HMCES: variants seen among roughly 807,000 people sequenced by gnomAD.
HMCES encodes 5-hydroxymethylcytosine binding, ES cell specific.
HMCES carries 27 observed loss-of-function variants against 35.1 expected under a neutral mutation model. The observed-to-expected ratio is 0.77, with a 90% confidence interval of 0.57 to 1.06. HMCES has a LOEUF of 1.06. Ranked by LOEUF, HMCES falls within the 50% of genes least tolerant of loss-of-function variation. The pLI is 0.00. For synonymous variants in HMCES, 130 were observed against 154.7 expected, an observed-to-expected ratio of 0.84 and a Z score of 1.18; for missense variants, 391 against 430.4, an observed-to-expected ratio of 0.91 and a Z score of 0.81.
At chr3:129,293,714 C>G (rs570545562) in intron 4 of HMCES, among the ~76,000 whole-genome samples, 2 of 151,762 alleles carry the variant, frequency 1.3e-5, no homozygotes, top group East Asian at 3.9e-4. Flanking sequence ...ATTACAGGTG[C>G]GTGCCACCAT....
rs1397844540 is a variant in HMCES at position 129,279,878 on chromosome 3, A to G, written c.146A>G (p.Asn49Ser). ...CPSYNKSPQS[N>S]SPVLLSRLHF... The stretch of plus-strand genomic sequence containing the variant: ...TCTTACAACAAGAGTCCTCAATCCA[A>G]CAGCCCAGTGCTTCTGTCTCGACTG... The change falls in exon 2 of 7, where the codon AAC (asparagine) becomes AGC (serine). Residue 49 changes from asparagine to serine, a missense_variant. Asn to Ser is a conservative substitution (Grantham distance 46). Transcript: ENST00000383463. The surrounding 1 kb of genome is among the most constrained non-coding windows in gnomAD (Gnocchi z 4.2). 6.2e-7 allele frequency: 1 copy of G among 1,609,170 alleles called. No individual in the cohort carries two copies. The highest frequency in any genetic ancestry group is 1.1e-5 in the South Asian group (1 of 90,272).
intron 2 of HMCES, among the ~76,000 whole-genome samples, chr3:129,284,382 T>G (rs1349352775): frequency 6.6e-6 from 1 of 152,234 alleles, no homozygotes; most frequent in Non-Finnish European, 1.5e-5. Flanking sequence ...GCTCTTGGTC[T>G]TGAATTTAGT....
chr3:129,304,872 C>T lies in HMCES; in HGVS notation c.*47C>T. ...GGCCAGGGTCTGCTGCACTGCTGTTCTGATAATAGGTTCTTAACATTGTAT... is the reference window on the plus strand; with the variant it reads ...GGCCAGGGTCTGCTGCACTGCTGTTTTGATAATAGGTTCTTAACATTGTAT... On this transcript the variant is annotated 3_prime_UTR_variant, in exon 7 of 7. Coordinates refer to ENST00000383463, the MANE Select transcript of HMCES (RefSeq NM_020187.3). 1 of 1,409,954 alleles carries T rather than the reference C, an allele frequency of 7.1e-7. No homozygotes were observed. The highest frequency in any genetic ancestry group is 2.3e-5 in the East Asian group (1 of 43,858). The allele number at this position is 1,409,954 out of a possible 1,614,324, so 87.3% of individuals were successfully genotyped here. A position where few individuals can be genotyped will look rare whatever the true frequency, so the allele number is the denominator to read the frequency against.
intron 4 of HMCES, among the ~76,000 whole-genome samples, chr3:129,291,820 G>C (rs762871093): frequency 6.6e-6 from 1 of 152,206 alleles, no homozygotes; most frequent in African/African-American, 2.4e-5. Flanking sequence ...GCCAGGCACG[G>C]TTGCTCATGC....
intron 2 of HMCES, among the ~76,000 whole-genome samples, chr3:129,285,172 G>C (rs1431972328): frequency 2.0e-5 from 3 of 151,918 alleles, no homozygotes; most frequent in East Asian, 3.9e-4. Context: ...GTACCCTCAG[G>C]TTAAATCCTG....
chr3:129,291,848 T>C (rs907002543), intron 4 of HMCES, among the ~76,000 whole-genome samples: 3 of 152,186 alleles, frequency 2.0e-5, no homozygotes, highest in Admixed American at 2.0e-4. Flanking sequence ...CCCAGCACTT[T>C]GGGAGGCCAG....
chr3:129,298,054 A>T (rs1434288655), intron 4 of HMCES, among the ~76,000 whole-genome samples: 1 of 152,208 alleles, frequency 6.6e-6, no homozygotes, highest in African/African-American at 2.4e-5. Flanking sequence ...ATTTACCAAC[A>T]GCTGGTTTGG....
chr3:129,285,862 TG>T (rs1308301137), intron 2 of HMCES, among the ~76,000 whole-genome samples: 1 of 151,938 alleles, frequency 6.6e-6, no homozygotes, highest in Non-Finnish European at 1.5e-5. Context: ...CCCGAGTAAC[TG>T]GGGTTACAGG....
rs1313128374 is a variant in HMCES, at chr3:129,279,818, T to TCCC, written c.87_89dup (p.Pro30dup). ...CAGGATCGGCGGGGCCAGCAGCGGC[T>TCCC]CCCGGAGTGGAGGGACCCTGATAAG... On this transcript the variant is annotated inframe_insertion, in exon 2 of 7. Transcript: ENST00000383463. This position sits in a 1 kb window ranked among gnomAD's most constrained non-coding sequence, Gnocchi z 4.2. The TCCC allele has an allele frequency of 6.2e-7, 1 of 1,613,524 alleles. No homozygotes were observed. Among genetic ancestry groups the TCCC allele is most frequent in the South Asian group, 1.1e-5 (1 of 90,952 alleles).
Position 129,306,033 on chromosome 3 carries a change from A to T in HMCES, c.*1208A>T, listed in dbSNP as rs2071230040. ...GGGGTTGGCCCGTAGTTGTACACTC[A>T]GTCACCCTGCACTGTGGAGGCGGGG... On this transcript the variant is annotated 3_prime_UTR_variant, in exon 7 of 7. Coordinates refer to ENST00000383463, the MANE Select transcript of HMCES (RefSeq NM_020187.3). 6.6e-6 allele frequency: 1 copy of T among 152,164 alleles called. No individual in the cohort carries two copies. The highest frequency in any genetic ancestry group is 2.4e-5 in the African/African-American group (1 of 41,440). 9.4% of individuals were successfully genotyped at this position (152,164 alleles called of 1,614,324 possible). A position where few individuals can be genotyped will look rare whatever the true frequency, so the allele number is the denominator to read the frequency against.
intron 4 of HMCES, among the ~76,000 whole-genome samples, chr3:129,292,731 G>C (rs558625375): frequency 1.3e-5 from 2 of 152,064 alleles, no homozygotes; most frequent in Non-Finnish European, 2.9e-5. Context: ...TGATCCACCC[G>C]CCTCGGCCTC....
intron 4 of HMCES, 66 bp downstream of exon 4, chr3:129,290,870 C>G: frequency 6.8e-7 from 1 of 1,459,964 alleles, no homozygotes; most frequent in South Asian, 1.2e-5. Flanking sequence ...ATCCAAAGGA[C>G]ATTTTTTTCT....
At chr3:129,281,857 G>A (rs551700405) in intron 2 of HMCES, among the ~76,000 whole-genome samples, 2 of 148,430 alleles carry the variant, frequency 1.3e-5, no homozygotes, top group African/African-American at 5.0e-5. Context: ...AAAAAAAAAT[G>A]TGGAGGTTGC....
At chr3:129,295,386 G>A (rs556803920) in intron 4 of HMCES, among the ~76,000 whole-genome samples, 3 of 147,830 alleles carry the variant, frequency 2.0e-5, no homozygotes, top group African/African-American at 2.5e-5. Flanking sequence ...GCAGTGAGCC[G>A]AGATCACACC....
At position 129,279,464 on chromosome 3, in the gene HMCES, A is replaced by G. The variant is rs1315485152; in HGVS notation, c.-23-246A>G. 6.6e-6 allele frequency among the ~76,000 whole-genome samples: 1 copy of G among 152,162 alleles called. No homozygotes were observed. The highest frequency in any genetic ancestry group is 1.5e-5 in the Non-Finnish European group (1 of 68,020). On this transcript the variant is annotated intron_variant, in intron 1 of 6. Coordinates refer to ENST00000383463, the MANE Select transcript of HMCES (RefSeq NM_020187.3). The surrounding 1 kb of genome is among the most constrained non-coding windows in gnomAD (Gnocchi z 4.2). ...CTCCGCTGCGGCTCTTCCTGCGCTC[A>G]GGCAGGCATTTGCAGAGCTCCTCTC...
At chr3:129,289,036 G>T (rs750459052) in intron 3 of HMCES, 39 bp downstream of exon 3, 2 of 1,474,502 alleles carry the variant, frequency 1.4e-6, no homozygotes, top group South Asian at 1.4e-5. Flanking sequence ...GTATACCTCA[G>T]AAATAAGGTT....
rs971167871 is a variant in HMCES at position 129,305,296 on chromosome 3, T to C, written c.*471T>C. 1.9e-5 allele frequency: 3 copies of C among 153,934 alleles called. No homozygotes were observed. The highest frequency in any genetic ancestry group is 7.2e-5 in the African/African-American group (3 of 41,464). The allele number at this position is 153,934 out of a possible 1,614,324, so 9.5% of individuals were successfully genotyped here. On this transcript the variant is annotated 3_prime_UTR_variant, in exon 7 of 7. Transcript: ENST00000383463. ...CTGAATAAATTGTATTTGGTAAACT[T>C]CTGCCTACATTTTGGAAAGTGATGC...
intron 5 of HMCES, among the ~76,000 whole-genome samples, chr3:129,301,674 C>T (rs1407260731): frequency 6.6e-6 from 1 of 152,136 alleles, no homozygotes; most frequent in Non-Finnish European, 1.5e-5. Flanking sequence ...AGAAAGTTTA[C>T]CAATTTACTA....
At chr3:129,292,607 C>T (rs1660818834) in intron 4 of HMCES, among the ~76,000 whole-genome samples, 1 of 151,414 alleles carries the variant, frequency 6.6e-6, no homozygotes, top group Admixed American at 6.6e-5. Flanking sequence ...ATTCTCCTGC[C>T]TCAGCCTCCC....
Sources: allele counts gnomAD v4.1 joint callset (sites outside exome capture counted in the v4.1 genomes callset), GRCh38; gene constraint gnomAD v4.1.1; non-coding constraint Gnocchi (gnomAD v3.1); transcripts MANE v1.5; gene names NCBI Gene and HGNC (gene_info 2026-07-23, HGNC 2026-07-21).